The following ALDOA variants were observed in gnomAD, a reference collection of about 807,000 sequenced individuals.
ALDOA encodes the protein aldolase, fructose-bisphosphate A, also known as fructose-bisphosphate aldolase A.
In ALDOA, 26 loss-of-function variants were observed where a neutral mutation model predicts 43.9. The observed-to-expected ratio is 0.59, with a 90% confidence interval of 0.43 to 0.82. The LOEUF is 0.82. Ranked by LOEUF, ALDOA falls within the 40% of genes least tolerant of loss-of-function variation. The probability of loss-of-function intolerance (pLI) is 0.00; values close to 1 mark genes in which losing one functional copy is unlikely to be tolerated. For synonymous variants in ALDOA, 258 were observed against 222.6 expected, an observed-to-expected ratio of 1.16 and a Z score of -1.42; for missense variants, 498 against 549.5, an observed-to-expected ratio of 0.91 and a Z score of 0.94.
rs771557202 is a variant in ALDOA at position 30,069,408 on chromosome 16, G to A, written c.786+19G>A. The A allele has an allele frequency of 3.7e-6, 6 of 1,613,980 alleles. No homozygotes were observed. In the South Asian group the frequency reaches 6.6e-5, roughly 18 times the overall value. ...CGAGAAGGTAAATGGCTACCTGCCT[G>A]ACCAGTGCAAGGTGGCTGGCCGGGG... On this transcript the variant is annotated intron_variant, in intron 7 of 9. Transcript: ENST00000642816.
Position 30,069,379 on chromosome 16 carries a change from T to A in ALDOA, c.776T>A (p.Val259Glu), listed in dbSNP as rs755913779. ...CATGACTTGAAGCGCTGCCAGTATG[T>A]GACCGAGAAGGTAAATGGCTACCTG... The part of the protein sequence containing the change: ...GDHDLKRCQY[V>E]TEKVLAAVYK... Residue 259 changes from valine (V) to glutamate (E), a missense_variant, in exon 7 of 10, where the codon GTG becomes GAG. Transcript: ENST00000642816. 2.5e-6 allele frequency: 4 copies of A among 1,614,150 alleles called. No individual in the cohort carries two copies. Among genetic ancestry groups the A allele is most frequent in the Non-Finnish European group, 3.4e-6 (4 of 1,180,022 alleles).
upstream of ALDOA, chr16:30,065,693 C>T (rs2072072919): frequency 6.6e-6 from 1 of 152,274 alleles, no homozygotes; most frequent in African/African-American, 2.4e-5. Context: ...GCCCGCTCCT[C>T]GTAAAGGAAA....
rs780658545 is a variant in ALDOA at position 30,069,657 on chromosome 16, G to C, written c.945G>C (p.Val315=). ...MATVTALRRT[V]PPAVTGITFL... ...CCGTCACAGCGCTGCGCCGCACAGT[G>C]CCCCCCGCTGTCACTGGTGAGGCCC... Residue 315 remains valine, a synonymous_variant, in exon 8 of 10, where the codon GTG becomes GTC. Transcript: ENST00000642816. 3.9e-5 allele frequency: 63 copies of C among 1,613,452 alleles called. No homozygotes were observed. Among genetic ancestry groups the C allele is most frequent in the Non-Finnish European group, 5.0e-5 (59 of 1,180,016 alleles).
intron 6 of ALDOA, 149 bp from the exon 7 acceptor site, chr16:30,069,157 G>A (rs971342622): frequency 8.3e-6 from 11 of 1,326,544 alleles, no homozygotes; most frequent in Non-Finnish European, 9.6e-6. Flanking sequence ...GGGTGGATCT[G>A]AGGCGGCTCT....
intron 3 of ALDOA, 31 bp from the exon 4 acceptor site, chr16:30,067,419 T>G: frequency 6.2e-7 from 1 of 1,613,590 alleles, no homozygotes; most frequent in Non-Finnish European, 8.5e-7. Context: ...AGTGGCAGGC[T>G]GATCCCCTAA....
intron 2 of ALDOA, 29 bp downstream of exon 2, chr16:30,067,067 T>G (rs1386813814): frequency 6.4e-7 from 1 of 1,573,800 alleles, no homozygotes; most frequent in East Asian, 2.4e-5. Flanking sequence ...CAAAGGGAAG[T>G]TGGGCGTAAG....
chr16:30,065,570 AG>A (rs936808559), upstream of ALDOA: 14 of 151,446 alleles, frequency 9.2e-5, no homozygotes, highest in Non-Finnish European at 1.3e-4. Flanking sequence ...GTCACGTCCG[AG>A]GGGGGTGGGG....
At chr16:30,067,768 A>C in intron 4 of ALDOA, 107 bp downstream of exon 4, 1 of 1,319,080 alleles carries the variant, frequency 7.6e-7, no homozygotes, top group Non-Finnish European at 1.1e-6. Context: ...AGAGACTTGC[A>C]TGGAGCCTGC....
chr16:30,070,291 G>C lies in ALDOA; in HGVS notation c.*79G>C. On this transcript the variant is annotated 3_prime_UTR_variant, in exon 10 of 10. Coordinates refer to ENST00000642816, the MANE Select transcript of ALDOA (RefSeq NM_001243177.4). ...CTTGAAGAGGAGGCCGCCTCCTCGGGGCTCCAGGCTGGCTTGCCCGCGCTC... is the reference window on the plus strand; with the variant it reads ...CTTGAAGAGGAGGCCGCCTCCTCGGCGCTCCAGGCTGGCTTGCCCGCGCTC... The C allele has an allele frequency of 7.0e-7, 1 of 1,425,118 alleles. No individual in the cohort carries two copies. Among genetic ancestry groups the C allele is most frequent in the South Asian group, 1.2e-5 (1 of 86,572 alleles). 88.3% of individuals were successfully genotyped at this position (1,425,118 alleles called of 1,614,324 possible). A position where few individuals can be genotyped will look rare whatever the true frequency, so the allele number is the denominator to read the frequency against.
intron 4 of ALDOA, 178 bp from the exon 5 acceptor site, chr16:30,068,468 G>A (rs2072198815): frequency 2.8e-6 from 2 of 710,694 alleles, no homozygotes; most frequent in Admixed American, 4.1e-5. Context: ...GGCTAAAGAA[G>A]AGGAAAGAGG....
At chr16:30,069,800 A>C in intron 8 of ALDOA, 30 bp from the exon 9 acceptor site, 1 of 1,613,798 alleles carries the variant, frequency 6.2e-7, no homozygotes, top group Non-Finnish European at 8.5e-7. Context: ...CTCTGACCAC[A>C]GCCCCTCTCG....
At chr16:30,069,805 C>A in intron 8 of ALDOA, 25 bp from the exon 9 acceptor site, 1 of 1,614,020 alleles carries the variant, frequency 6.2e-7, no homozygotes, top group Non-Finnish European at 8.5e-7. Flanking sequence ...ACCACAGCCC[C>A]TCTCGCCTCA....
upstream of ALDOA, among the ~76,000 whole-genome samples, chr16:30,065,172 G>A (rs1037151364): frequency 4.6e-5 from 7 of 152,218 alleles, no homozygotes; most frequent in Non-Finnish European, 7.3e-5. Context: ...CGCTAGTTCC[G>A]CCGCCTTCTC....
chr16:30,064,625 G>A (rs1696699614), upstream of ALDOA: 1 of 396,122 alleles, frequency 2.5e-6, no homozygotes, highest in East Asian at 3.6e-5. Context: ...CCTAAATATA[G>A]GTCCCTGCCA....
Position 30,069,669 on chromosome 16 carries a change from C to A in ALDOA, c.957C>A (p.Val319=), listed in dbSNP as rs748384981. 1 of 1,613,542 alleles carries A rather than the reference C, an allele frequency of 6.2e-7. No individual in the cohort carries two copies. The highest frequency in any genetic ancestry group is 2.2e-5 in the East Asian group (1 of 44,882). Residue 319 remains valine, a synonymous_variant, in exon 8 of 10, where the codon GTC becomes GTA. Transcript: ENST00000642816. ...TALRRTVPPA[V]TGITFLSGGQ... ...TGCGCCGCACAGTGCCCCCCGCTGT[C>A]ACTGGTGAGGCCCACACTCATCTTG...
At position 30,067,658 on chromosome 16, in the gene ALDOA, C is replaced by T. The variant is rs766960395; in HGVS notation, c.483C>T (p.Ile161=). The part of the protein sequence containing the change: ...VIKSKGGVVG[I]KVDKGVVPLA... ...AATCCAAGGGCGGTGTTGTGGGCAT[C>T]AAGGTAAGGGGAGGGCCTCCGGACG... The change falls in exon 4 of 10, where the codon ATC becomes ATT. Residue 161 remains isoleucine (I), a synonymous_variant. Coordinates refer to ENST00000642816, the MANE Select transcript of ALDOA (RefSeq NM_001243177.4). The T allele has an allele frequency of 1.2e-6, 2 of 1,614,088 alleles. No homozygotes were observed. Among genetic ancestry groups the T allele is most frequent in the Admixed American group, 1.7e-5 (1 of 60,018 alleles).
rs1436617013 is a variant in ALDOA, at chr16:30,068,649, G to C, written c.490G>C (p.Asp164His). The change falls in exon 5 of 10, where the codon GAC becomes CAC. Residue 164 changes from aspartate (D) to histidine (H), a missense_variant. Asp to His is a moderately conservative substitution (Grantham distance 81). Coordinates refer to ENST00000642816, the MANE Select transcript of ALDOA (RefSeq NM_001243177.4). ...GTTGTTACCCTGACCCCAACAGGTA[G>C]ACAAGGGCGTGGTCCCCCTGGCAGG... ...SKGGVVGIKV[D>H]KGVVPLAGTN... 1 of 1,614,070 alleles carries C rather than the reference G, an allele frequency of 6.2e-7. No homozygotes were observed. Among genetic ancestry groups the C allele is most frequent in the Non-Finnish European group, 8.5e-7 (1 of 1,180,046 alleles).
chr16:30,067,066 G>C, intron 2 of ALDOA, 28 bp downstream of exon 2: 1 of 1,574,716 alleles, frequency 6.4e-7, no homozygotes, highest in Non-Finnish European at 8.6e-7. Context: ...GCAAAGGGAA[G>C]TTGGGCGTAA....
rs1197901369 is a variant in ALDOA at position 30,067,615 on chromosome 16, C to G, written c.440C>G (p.Pro147Arg). 6.2e-7 allele frequency: 1 copy of G among 1,613,998 alleles called. No individual in the cohort carries two copies. The highest frequency in any genetic ancestry group is 1.3e-5 in the African/African-American group (1 of 74,888). The change falls in exon 4 of 10, where the codon CCC becomes CGC. Residue 147 changes from proline (P) to arginine (R), a missense_variant. By Grantham distance (103) the Pro-to-Arg change is moderately radical (BLOSUM62 -2). Transcript: ENST00000642816. ...TLYQKADDGR[P>R]FPQVIKSKGG... ...TACCAGAAGGCGGATGATGGGCGTC[C>G]CTTCCCCCAAGTTATCAAATCCAAG... is the stretch of plus-strand genomic sequence containing the variant.
Sources: gnomAD v4.1 joint callset for allele counts (sites outside exome capture counted in the v4.1 genomes callset) on GRCh38, gnomAD v4.1.1 for gene constraint, MANE v1.5 for transcripts, NCBI Gene and HGNC (gene_info 2026-07-23, HGNC 2026-07-21) for gene names.